SPIDR: variants seen among roughly 807,000 people sequenced by gnomAD.
SPIDR encodes scaffold protein involved in DNA repair.
SPIDR carries 93 observed loss-of-function variants against 104.6 expected under a neutral mutation model. The ratio of observed to expected loss-of-function variants is 0.89; its 90% confidence interval spans 0.75 to 1.06. The LOEUF is 1.06. SPIDR is among the 50% of genes least tolerant of loss of function. SPIDR has a pLI of 0.00. For synonymous variants in SPIDR, 431 were observed against 416.9 expected (o/e 1.03, Z -0.41); for missense variants, 1,154 against 1,111.2 (o/e 1.04, Z -0.55).
At chr8:47,497,356 C>A (rs1414791654) in intron 8 of SPIDR, among the ~76,000 whole-genome samples, 1 of 152,066 alleles carries the variant, frequency 6.6e-6, no homozygotes, top group Non-Finnish European at 1.5e-5. Flanking sequence ...AAATACTCTT[C>A]TAAGCACTGC....
intron 7 of SPIDR, among the ~76,000 whole-genome samples, chr8:47,434,681 A>G (rs2067963149): frequency 6.6e-6 from 1 of 152,086 alleles, no homozygotes; most frequent in African/African-American, 2.4e-5. Flanking sequence ...TTCACGGAGA[A>G]TAATTTCAGT....
chr8:47,312,115 A>G (rs1251379714), intron 5 of SPIDR, among the ~76,000 whole-genome samples: 1 of 152,148 alleles, frequency 6.6e-6, no homozygotes, highest in African/African-American at 2.4e-5. Flanking sequence ...AATCCAGTCT[A>G]TCATTGTTGG....
At chr8:47,447,731 T>C (rs2154346850) in intron 8 of SPIDR, among the ~76,000 whole-genome samples, 1 of 152,344 alleles carries the variant, frequency 6.6e-6, no homozygotes, top group Non-Finnish European at 1.5e-5. Context: ...AGTCAGTTGA[T>C]GCAGCAAACT....
chr8:47,557,942 G>T (rs1587725672), intron 8 of SPIDR, among the ~76,000 whole-genome samples: 2 of 152,044 alleles, frequency 1.3e-5, no homozygotes, highest in South Asian at 4.1e-4. Context: ...AAAAAAATGT[G>T]GTACATACAC....
At chr8:47,643,055 A>T (rs1348461869) in intron 10 of SPIDR, among the ~76,000 whole-genome samples, 1 of 152,186 alleles carries the variant, frequency 6.6e-6, no homozygotes, top group Admixed American at 6.5e-5. Context: ...AGTTGGTTCT[A>T]CTTTGTTCTA....
intron 5 of SPIDR, among the ~76,000 whole-genome samples, chr8:47,320,364 C>T (rs1382299164): frequency 6.6e-6 from 1 of 152,182 alleles, no homozygotes; most frequent in Non-Finnish European, 1.5e-5. Flanking sequence ...TGGATACATT[C>T]CTGGACACAT....
chr8:47,510,815 A>AT (rs1424771450), intron 8 of SPIDR, among the ~76,000 whole-genome samples: 1 of 152,096 alleles, frequency 6.6e-6, no homozygotes, highest in Non-Finnish European at 1.5e-5. Flanking sequence ...GGTTATTTTT[A>AT]TTTTTTTCAT....
At chr8:47,342,746 C>T (rs957697084) in intron 5 of SPIDR, among the ~76,000 whole-genome samples, 2 of 151,952 alleles carry the variant, frequency 1.3e-5, no homozygotes, top group Non-Finnish European at 2.9e-5. Context: ...ATTTATGTAC[C>T]TTTAGTGCAG....
At chr8:47,284,002 T>G in intron 2 of SPIDR, 26 bp from the exon 3 acceptor site, 1 of 1,565,778 alleles carries the variant, frequency 6.4e-7, no homozygotes, top group Non-Finnish European at 8.7e-7. Flanking sequence ...GTCACATAAA[T>G]TCCATGATTA....
At chr8:47,437,260 C>T (rs1329786848) in intron 7 of SPIDR, among the ~76,000 whole-genome samples, 2 of 134,148 alleles carry the variant, frequency 1.5e-5, no homozygotes, top group African/African-American at 5.6e-5. Flanking sequence ...CACCCCACCA[C>T]AGTCCCCAGA....
At chr8:47,401,628 A>T (rs868963343) in intron 6 of SPIDR, among the ~76,000 whole-genome samples, 7 of 152,310 alleles carry the variant, frequency 4.6e-5, no homozygotes, top group African/African-American at 1.7e-4. Flanking sequence ...AAATGAAGGG[A>T]TGGAGAAAGA....
intron 5 of SPIDR, among the ~76,000 whole-genome samples, chr8:47,364,421 C>T (rs782229262): frequency 1.3e-5 from 2 of 152,096 alleles, no homozygotes; most frequent in Non-Finnish European, 2.9e-5. Flanking sequence ...TCAAAAGAAC[C>T]CTGGCTCTTG....
rs185655105 is a variant in SPIDR, at chr8:47,262,972, T to C, written c.33+1981T>C. ...TATCTAAATCTCATTTTACTTCTTA[T>C]TGGCTACATCATAATTTACTGCAGA... On this transcript the variant is annotated intron_variant, in intron 1 of 19. Transcript: ENST00000297423. Among the ~76,000 whole-genome samples, 163 of 152,356 alleles carry C rather than the reference T, an allele frequency of 1.1e-3. 1 individual carries two copies. Among genetic ancestry groups the C allele is most frequent in the Non-Finnish European group, 2.2e-4 (15 of 68,028 alleles).
At chr8:47,557,768 A>G (rs899586325) in intron 8 of SPIDR, among the ~76,000 whole-genome samples, 3 of 152,214 alleles carry the variant, frequency 2.0e-5, no homozygotes, top group Non-Finnish European at 4.4e-5. Flanking sequence ...ACTAAAGACA[A>G]TTAAGACCTT....
At chr8:47,347,129 A>G (rs1383520373) in intron 5 of SPIDR, among the ~76,000 whole-genome samples, 1 of 152,138 alleles carries the variant, frequency 6.6e-6, no homozygotes, top group Non-Finnish European at 1.5e-5. Flanking sequence ...TGTGTCCCAG[A>G]GATTCTGGTA....
chr8:47,442,527 C>T (rs1585777674), intron 8 of SPIDR, among the ~76,000 whole-genome samples: 1 of 152,158 alleles, frequency 6.6e-6, no homozygotes, highest in Non-Finnish European at 1.5e-5. Context: ...CTCCCCTCTC[C>T]GTGTTCATGG....
intron 5 of SPIDR, among the ~76,000 whole-genome samples, chr8:47,360,052 C>G (rs2055444580): frequency 6.6e-6 from 1 of 151,918 alleles, no homozygotes; most frequent in Non-Finnish European, 1.5e-5. Context: ...ACCATCCTGG[C>G]TAACATGATG....
intron 11 of SPIDR, among the ~76,000 whole-genome samples, chr8:47,699,648 G>A (rs1375131531): frequency 2.0e-5 from 3 of 151,984 alleles, no homozygotes; most frequent in Non-Finnish European, 1.5e-5. Flanking sequence ...TCCGCCTCCC[G>A]GGTTCAAGCG....
At chr8:47,434,781 A>G (rs1554691214) in intron 7 of SPIDR, among the ~76,000 whole-genome samples, 1 of 152,026 alleles carries the variant, frequency 6.6e-6, no homozygotes, top group East Asian at 1.9e-4. Flanking sequence ...CCTTTCTTGT[A>G]TAGTTATTTG....
Sources: allele counts gnomAD v4.1 joint callset (sites outside exome capture counted in the v4.1 genomes callset), GRCh38; gene constraint gnomAD v4.1.1; transcripts MANE v1.5; gene names NCBI Gene and HGNC (gene_info 2026-07-23, HGNC 2026-07-21).